The following SHROOM3 variants were observed in gnomAD, a reference collection of about 807,000 sequenced individuals.
The protein encoded by SHROOM3 is protein Shroom3.
Under a neutral mutation model 138.6 loss-of-function variants are expected in SHROOM3, and 47 were observed. The observed-to-expected ratio is 0.34, with a 90% CI of 0.27 to 0.43. SHROOM3 has a LOEUF of 0.43. SHROOM3 is among the 20% of genes least tolerant of loss of function. The probability of loss-of-function intolerance (pLI) is 1.00; values close to 1 mark genes in which losing one functional copy is unlikely to be tolerated. For synonymous variants in SHROOM3, 1,062 were observed against 1,063.3 expected, an observed-to-expected ratio of 1.00 and a Z score of 0.02; for missense variants, 2,491 against 2,596.5, an observed-to-expected ratio of 0.96 and a Z score of 0.88.
intron 1 of SHROOM3, among the ~76,000 whole-genome samples, chr4:76,494,504 C>T (rs181358898): frequency 4.5e-4 from 68 of 152,248 alleles, no homozygotes; most frequent in Non-Finnish European, 8.2e-4. Context: ...TGAGCAATGG[C>T]GGGGACCTCT....
intron 2 of SHROOM3, among the ~76,000 whole-genome samples, chr4:76,697,455 G>C (rs1314088635): frequency 2.0e-5 from 3 of 152,090 alleles, no homozygotes; most frequent in Non-Finnish European, 2.9e-5. Flanking sequence ...GCTCTTCTTG[G>C]AACAAGGCAA....
In SHROOM3 at chr4:76,530,483, C is replaced by T. The variant is rs1234463015; in HGVS notation, c.169-25126C>T. Among the ~76,000 whole-genome samples the T allele has an allele frequency of 3.9e-5, 6 of 152,070 alleles. No individual in the cohort carries two copies. In the East Asian group the frequency reaches 5.8e-4, roughly 15 times the overall value. On this transcript the variant is annotated intron_variant, in intron 1 of 10. Transcript: ENST00000296043. ...TTGTTAATCTCCTTCAGTGCTTAAC[C>T]GAGAGTAATTCCATTGAAATGGGTT...
At chr4:76,444,497 T>C (rs1422328576) in intron 1 of SHROOM3, among the ~76,000 whole-genome samples, 4 of 130,934 alleles carry the variant, frequency 3.1e-5, no homozygotes, top group African/African-American at 1.1e-4. Flanking sequence ...TTTTTTTTTT[T>C]TTTTTTTTTT....
At chr4:76,633,844 C>G (rs898382740) in intron 2 of SHROOM3, among the ~76,000 whole-genome samples, 1 of 152,108 alleles carries the variant, frequency 6.6e-6, no homozygotes, top group Non-Finnish European at 1.5e-5. Flanking sequence ...GGCCCCTAGT[C>G]TCAACCAATA....
rs777505534 is a variant in SHROOM3, at chr4:76,778,880, G to A, written c.5694G>A (p.Leu1898=). 1 of 1,613,232 alleles carries A rather than the reference G, an allele frequency of 6.2e-7. No individual in the cohort carries two copies. Among genetic ancestry groups the A allele is most frequent in the Non-Finnish European group, 8.5e-7 (1 of 1,180,026 alleles). ...ATGCCCGGGAGCTGAAGGAGAACCT[G>A]GATCGCAGGGAGCGAGTAGTGCTGG... ...HEDARELKEN[L]DRRERVVLGI... The change falls in exon 11 of 11, where the codon CTG becomes CTA. Residue 1898 remains leucine, a synonymous_variant. Coordinates refer to ENST00000296043, the MANE Select transcript of SHROOM3 (RefSeq NM_020859.4).
chr4:76,754,655 G>T lies in SHROOM3; in HGVS notation c.4172G>T (p.Gly1391Val). Reference sequence around the variant, plus strand: ...CCTGCCATGATGCACAGAAGCAATGGTCACACCCTGACCCAGCCTCCCGGT... The same window carrying T: ...CCTGCCATGATGCACAGAAGCAATGTTCACACCCTGACCCAGCCTCCCGGT... The part of the protein sequence containing the change: ...YTPAMMHRSN[G>V]HTLTQPPGPR... The change falls in exon 7 of 11, where the codon GGT (glycine) becomes GTT (valine). Residue 1391 changes from glycine (G) to valine (V), a missense_variant. Coordinates refer to ENST00000296043, the MANE Select transcript of SHROOM3 (RefSeq NM_020859.4). 6.2e-7 allele frequency: 1 copy of T among 1,614,170 alleles called. No individual in the cohort carries two copies. Among genetic ancestry groups the T allele is most frequent in the Non-Finnish European group, 8.5e-7 (1 of 1,180,024 alleles).
chr4:76,739,071 A>T lies in SHROOM3; in HGVS notation c.898A>T (p.Arg300Trp), dbSNP rs1200346872. 2 of 1,614,216 alleles carry T rather than the reference A, an allele frequency of 1.2e-6. No homozygotes were observed. The highest frequency in any genetic ancestry group is 2.2e-5 in the South Asian group (2 of 91,084). ...TCGAGGTGGCCTCCTCGAAGGGATGAGGCAGGCAGATATTCGCTATGTCAA... is the reference window on the plus strand; with the variant it reads ...TCGAGGTGGCCTCCTCGAAGGGATGTGGCAGGCAGATATTCGCTATGTCAA... The part of the protein sequence containing the change: ...SARGGLLEGM[R>W]QADIRYVKTV... Residue 300 changes from arginine (R) to tryptophan (W), a missense_variant, in exon 5 of 11, where the codon AGG becomes TGG. By Grantham distance (101) the Arg-to-Trp change is moderately radical. Coordinates refer to ENST00000296043, the MANE Select transcript of SHROOM3 (RefSeq NM_020859.4).
intron 10 of SHROOM3, among the ~76,000 whole-genome samples, chr4:76,775,460 G>A (rs1722521360): frequency 6.6e-6 from 1 of 152,046 alleles, no homozygotes; most frequent in Admixed American, 6.5e-5. Context: ...ATGTAAACTA[G>A]TACAACCACT....
chr4:76,618,674 T>C (rs1007347217), intron 2 of SHROOM3, among the ~76,000 whole-genome samples: 1 of 152,232 alleles, frequency 6.6e-6, no homozygotes, highest in African/African-American at 2.4e-5. Context: ...AATATTTCAA[T>C]GCATATTTCC....
At chr4:76,693,456 T>G (rs960933287) in intron 2 of SHROOM3, among the ~76,000 whole-genome samples, 1 of 141,738 alleles carries the variant, frequency 7.1e-6, no homozygotes, top group Non-Finnish European at 1.5e-5. Context: ...CAATCTTGGC[T>G]CACTGCAGCC....
chr4:76,739,176 G>A lies in SHROOM3; in HGVS notation c.1003G>A (p.Ala335Thr). 2 of 1,614,098 alleles carry A rather than the reference G, an allele frequency of 1.2e-6. No homozygotes were observed. Among genetic ancestry groups the A allele is most frequent in the South Asian group, 2.2e-5 (2 of 91,080 alleles). ...AGCCCTGCTGCTTCAAGGTAGGGAG[G>A]CCCGAGCCTCAGCAAATGGTCAGGG... ...SSALLLQGREARASANGQGYD... is the reference protein window; with the variant it reads ...SSALLLQGRETRASANGQGYD... The change falls in exon 5 of 11, where the codon GCC becomes ACC. Residue 335 changes from alanine to threonine, a missense_variant. Ala to Thr is a moderately conservative substitution (Grantham distance 58). This residue lies in a region of SHROOM3 where 1,733 missense variants were observed against 1,661.6 expected (regional missense o/e 1.04). Transcript: ENST00000296043.
chr4:76,620,554 G>A (rs1016593889), intron 2 of SHROOM3, among the ~76,000 whole-genome samples: 5 of 152,172 alleles, frequency 3.3e-5, no homozygotes, highest in African/African-American at 4.8e-5. Context: ...TTAGACGGAG[G>A]GAATGGTTGG....
chr4:76,518,806 A>G (rs1175200172), intron 1 of SHROOM3, among the ~76,000 whole-genome samples: 2 of 152,204 alleles, frequency 1.3e-5, no homozygotes, highest in East Asian at 3.9e-4. Flanking sequence ...GGGCTGTATT[A>G]AAATTCTTTT....
intron 7 of SHROOM3, among the ~76,000 whole-genome samples, chr4:76,756,180 A>G (rs1386136072): frequency 6.6e-6 from 1 of 152,060 alleles, no homozygotes; most frequent in African/African-American, 2.4e-5. Context: ...GTATATATCT[A>G]TGTATGTTTG....
intron 3 of SHROOM3, among the ~76,000 whole-genome samples, chr4:76,722,265 CCAT>C (rs1202043784): frequency 2.6e-5 from 4 of 152,116 alleles, no homozygotes; most frequent in Non-Finnish European, 5.9e-5. Context: ...TCCTAAAGGG[CCAT>C]CAATGACAGA....
At chr4:76,698,629 G>A (rs1020135682) in intron 2 of SHROOM3, among the ~76,000 whole-genome samples, 5 of 152,108 alleles carry the variant, frequency 3.3e-5, no homozygotes, top group Admixed American at 6.5e-5. Context: ...GCCTGAAGTA[G>A]GAAGGACTCA....
chr4:76,487,731 C>T lies in SHROOM3; in HGVS notation c.168+51511C>T, dbSNP rs149487816. On this transcript the variant is annotated intron_variant, in intron 1 of 10. Coordinates refer to ENST00000296043, the MANE Select transcript of SHROOM3 (RefSeq NM_020859.4). ...TCTGATTTATTATTTTGCTACTGCA[C>T]TTGGAACACAGACAGTATTCACTAA... Among the ~76,000 whole-genome samples, 583 of 150,088 alleles carry T rather than the reference C, an allele frequency of 3.9e-3. 19 individuals are homozygous for T. Among genetic ancestry groups the T allele is most frequent in the African/African-American group, 0.014 (561 of 39,458 alleles).
intron 1 of SHROOM3, among the ~76,000 whole-genome samples, chr4:76,551,189 C>T (rs1733345450): frequency 6.6e-6 from 1 of 151,790 alleles, no homozygotes; most frequent in African/African-American, 2.4e-5. Context: ...AAGTGCAGTG[C>T]AAAACGAAGA....
chr4:76,498,864 AAAG>A (rs1732025285), intron 1 of SHROOM3, among the ~76,000 whole-genome samples: 1 of 152,172 alleles, frequency 6.6e-6, no homozygotes, highest in South Asian at 2.1e-4. Flanking sequence ...CCATGAAATT[AAAG>A]AAGGGGAAAT....
Sources: allele counts gnomAD v4.1 joint callset (sites outside exome capture counted in the v4.1 genomes callset), GRCh38; gene constraint gnomAD v4.1.1; regional missense constraint gnomAD v4.1.1; transcripts MANE v1.5; gene names NCBI Gene and HGNC (gene_info 2026-07-23, HGNC 2026-07-21).